Variants in CTNND2 observed in about 807,000 individuals in gnomAD.
CTNND2 encodes the protein catenin delta 2.
In CTNND2, 22 loss-of-function variants were observed where a neutral mutation model predicts 144.4. The observed-to-expected ratio is 0.15, with a 90% confidence interval of 0.11 to 0.22. CTNND2 has a LOEUF of 0.22. CTNND2 is among the 10% of genes least tolerant of loss of function. The probability of loss-of-function intolerance (pLI) is 1.00; values close to 1 mark genes in which losing one functional copy is unlikely to be tolerated. For missense variants in CTNND2, 1,353 were observed against 1,618.8 expected (o/e 0.84, Z 2.82); for synonymous variants, 751 against 695.6 (o/e 1.08, Z -1.25).
At chr5:11,760,312 A>G (rs530012479) in intron 1 of CTNND2, among the ~76,000 whole-genome samples, 3 of 152,030 alleles carry the variant, frequency 2.0e-5, no homozygotes, top group Non-Finnish European at 1.5e-5. Flanking sequence ...GTGGTCATCT[A>G]TCTACTCCAC....
intron 2 of CTNND2, among the ~76,000 whole-genome samples, chr5:11,689,353 A>G (rs1784794813): frequency 1.3e-5 from 2 of 152,264 alleles, no homozygotes. Context: ...CTATGATGGT[A>G]AAACATAATT....
At chr5:11,247,297 G>A (rs1743102875) in intron 9 of CTNND2, among the ~76,000 whole-genome samples, 1 of 152,126 alleles carries the variant, frequency 6.6e-6, no homozygotes, top group African/African-American at 2.4e-5. Flanking sequence ...TGAAGGTAGA[G>A]CCTGCAGGAA....
chr5:11,619,906 A>C (rs551698154), intron 2 of CTNND2, among the ~76,000 whole-genome samples: 1 of 152,272 alleles, frequency 6.6e-6, no homozygotes, highest in East Asian at 1.9e-4. Context: ...CATGTGATTC[A>C]CCTTATTATC....
At chr5:11,147,193 G>A (rs891482849) in intron 12 of CTNND2, among the ~76,000 whole-genome samples, 1 of 152,142 alleles carries the variant, frequency 6.6e-6, no homozygotes, top group African/African-American at 2.4e-5. Context: ...GAAGTGATGG[G>A]CCTTAAATAC....
At chr5:11,578,416 A>C (rs1028177519) in intron 2 of CTNND2, among the ~76,000 whole-genome samples, 3 of 152,052 alleles carry the variant, frequency 2.0e-5, no homozygotes, top group African/African-American at 7.2e-5. Context: ...TAATCCTAGC[A>C]CTTTGGGAGG....
chr5:11,587,484 C>A (rs1401596564), intron 2 of CTNND2, among the ~76,000 whole-genome samples: 2 of 151,822 alleles, frequency 1.3e-5, no homozygotes, highest in Admixed American at 6.6e-5. Flanking sequence ...ATAAAAATAT[C>A]CATGGGTAGG....
intron 9 of CTNND2, among the ~76,000 whole-genome samples, chr5:11,245,225 T>C (rs1742872610): frequency 6.6e-6 from 1 of 152,170 alleles, no homozygotes; most frequent in Non-Finnish European, 1.5e-5. Context: ...TTTCTACCTG[T>C]CCCTATATTT....
chr5:11,538,302 TC>T (rs1774407319), intron 3 of CTNND2, among the ~76,000 whole-genome samples: 1 of 152,184 alleles, frequency 6.6e-6, no homozygotes, highest in Non-Finnish European at 1.5e-5. Context: ...TGCAGGACAC[TC>T]AGCAAAGCAT....
intron 2 of CTNND2, among the ~76,000 whole-genome samples, chr5:11,731,677 A>G (rs1787398164): frequency 6.6e-6 from 1 of 152,216 alleles, no homozygotes; most frequent in African/African-American, 2.4e-5. Context: ...ATTTTAGACT[A>G]CATCCTTCCA....
At chr5:11,250,491 C>CTCTCTCTA (rs869141186) in intron 9 of CTNND2, among the ~76,000 whole-genome samples, 1,760 of 64,036 alleles carry the variant, frequency 0.027, 37 homozygotes, top group South Asian at 0.034. Flanking sequence ...CTCTCTCTCT[C>CTCTCTCTA]TATATATATA....
intron 2 of CTNND2, among the ~76,000 whole-genome samples, chr5:11,721,041 T>C (rs772282918): frequency 5.3e-5 from 8 of 152,032 alleles, no homozygotes; most frequent in Non-Finnish European, 1.2e-4. Flanking sequence ...CTATTCCCAA[T>C]AGACAACAAG....
chr5:11,281,773 A>C (rs1332714416), intron 9 of CTNND2, among the ~76,000 whole-genome samples: 1 of 152,102 alleles, frequency 6.6e-6, no homozygotes, highest in Non-Finnish European at 1.5e-5. Flanking sequence ...TCCTCTTCTT[A>C]TAAGGACACC....
chr5:11,260,321 G>A (rs901513241), intron 9 of CTNND2, among the ~76,000 whole-genome samples: 2 of 152,222 alleles, frequency 1.3e-5, no homozygotes, highest in Admixed American at 1.3e-4. Context: ...AATTGCCACT[G>A]TAATGTATAA....
At chr5:11,707,970 G>A (rs1314685413) in intron 2 of CTNND2, among the ~76,000 whole-genome samples, 1 of 151,994 alleles carries the variant, frequency 6.6e-6, no homozygotes, top group East Asian at 1.9e-4. Flanking sequence ...CTAATTGTAG[G>A]ATATTAGCTA....
At chr5:11,001,392 A>G (rs944706297) in intron 18 of CTNND2, among the ~76,000 whole-genome samples, 7 of 152,182 alleles carry the variant, frequency 4.6e-5, no homozygotes, top group African/African-American at 1.7e-4. Context: ...TACAGACTTT[A>G]GCAATGCAGG....
At chr5:11,122,811 C>T (rs926318855) in intron 12 of CTNND2, among the ~76,000 whole-genome samples, 4 of 151,964 alleles carry the variant, frequency 2.6e-5, no homozygotes, top group East Asian at 3.9e-4. Flanking sequence ...ACCGTCCCGT[C>T]GAAAAATGAA....
At chr5:11,544,857 G>A (rs1775075480) in intron 3 of CTNND2, among the ~76,000 whole-genome samples, 5 of 152,062 alleles carry the variant, frequency 3.3e-5, no homozygotes, top group African/African-American at 7.2e-5. Context: ...GGTGGCTCAC[G>A]CCTGAAATCC....
intron 7 of CTNND2, among the ~76,000 whole-genome samples, chr5:11,378,543 A>C (rs1758158394): frequency 6.6e-6 from 1 of 152,236 alleles, no homozygotes. Flanking sequence ...GAAAATCTAA[A>C]TATCTAGCAC....
chr5:11,012,411 G>A (rs547292952), intron 18 of CTNND2, among the ~76,000 whole-genome samples: 140 of 152,350 alleles, frequency 9.2e-4, no homozygotes, highest in African/African-American at 3.2e-3. Context: ...GCTGCTTCCA[G>A]AGAACATGCT....
Sources: allele counts gnomAD v4.1 joint callset (sites outside exome capture counted in the v4.1 genomes callset), GRCh38; gene constraint gnomAD v4.1.1; transcripts MANE v1.5; gene names NCBI Gene and HGNC (gene_info 2026-07-23, HGNC 2026-07-21).